Variants in EREG observed in about 807,000 individuals in gnomAD.
EREG encodes the protein proepiregulin.
A neutral mutation model predicts 22.4 loss-of-function variants in EREG; 23 were observed. The ratio of observed to expected loss-of-function variants is 1.03; its 90% confidence interval spans 0.74 to 1.46. The LOEUF is 1.46. Among genes scored for constraint, EREG ranks in the 40% most tolerant of loss-of-function variants. The pLI is 0.00. For missense variants in EREG, 226 were observed against 205.9 expected, an observed-to-expected ratio of 1.10 and a Z score of -0.60; for synonymous variants, 100 against 75.4, an observed-to-expected ratio of 1.33 and a Z score of -1.69.
chr4:74,373,518 G>A (rs7671661), intron 1 of EREG, among the ~76,000 whole-genome samples: 107,251 of 150,792 alleles, frequency 0.71, 38,941 homozygotes, highest in Non-Finnish European at 0.78. Context: ...TTAATGAAGT[G>A]CAGTTACAAA....
At chr4:74,384,454 C>G (rs896107370) in intron 4 of EREG, among the ~76,000 whole-genome samples, 2 of 152,080 alleles carry the variant, frequency 1.3e-5, no homozygotes, top group African/African-American at 4.8e-5. Flanking sequence ...GGCCACACGC[C>G]TCTTGGAATT....
At position 74,387,099 on chromosome 4, in the gene EREG, G is replaced by T. The variant is rs1047267276; in HGVS notation, c.*2291G>T. The T allele has an allele frequency of 1.3e-5, 2 of 152,054 alleles. No individual in the cohort carries two copies. Among genetic ancestry groups the T allele is most frequent in the African/African-American group, 4.8e-5 (2 of 41,374 alleles). The allele number at this position is 152,054 out of a possible 1,614,324, so 9.4% of individuals were successfully genotyped here. A position where few individuals can be genotyped will look rare whatever the true frequency, so the allele number is the denominator to read the frequency against. On this transcript the variant is annotated 3_prime_UTR_variant, in exon 5 of 5. Transcript: ENST00000244869. ...CCACCGCACGTAGCATTTACATTAGGTATTACAAGTAATGTAAAGATGATT... is the reference window on the plus strand; with the variant it reads ...CCACCGCACGTAGCATTTACATTAGTTATTACAAGTAATGTAAAGATGATT...
At chr4:74,365,768 T>C (rs1373490170) in intron 1 of EREG, among the ~76,000 whole-genome samples, 1 of 150,218 alleles carries the variant, frequency 6.7e-6, no homozygotes, top group African/African-American at 2.5e-5. Flanking sequence ...GAGTGGGGAA[T>C]AGAAACTAGC....
intron 1 of EREG, among the ~76,000 whole-genome samples, chr4:74,369,448 A>G (rs1578816367): frequency 6.6e-6 from 1 of 151,366 alleles, no homozygotes; most frequent in Non-Finnish European, 1.5e-5. Flanking sequence ...TTGGTTTTCC[A>G]CTCCTGTGTT....
chr4:74,369,839 C>A (rs538768113), intron 1 of EREG, among the ~76,000 whole-genome samples: 10 of 151,816 alleles, frequency 6.6e-5, no homozygotes, highest in Non-Finnish European at 8.8e-5. Context: ...AAAAGGTTGT[C>A]CACAATAACC....
intron 3 of EREG, 86 bp from the exon 4 acceptor site, chr4:74,382,559 G>T: frequency 9.6e-7 from 1 of 1,046,706 alleles, no homozygotes; most frequent in Non-Finnish European, 1.4e-6. Context: ...GCATTACAGT[G>T]TGATGTTAGT....
intron 1 of EREG, among the ~76,000 whole-genome samples, chr4:74,376,199 C>T (rs551049904): frequency 2.9e-4 from 44 of 152,264 alleles, no homozygotes; most frequent in African/African-American, 9.9e-4. Context: ...ATAATAGTTG[C>T]AGGTTGCAAT....
At chr4:74,378,028 A>G (rs1020941590) in intron 1 of EREG, among the ~76,000 whole-genome samples, 2 of 152,186 alleles carry the variant, frequency 1.3e-5, no homozygotes, top group Non-Finnish European at 2.9e-5. Flanking sequence ...AGAAATGGAA[A>G]GTTGAATATA....
At position 74,386,561 on chromosome 4, in the gene EREG, T is replaced by C. The variant is rs1299713705; in HGVS notation, c.*1753T>C. The C allele has an allele frequency of 1.3e-5, 2 of 152,238 alleles. No homozygotes were observed. The highest frequency in any genetic ancestry group is 2.9e-5 in the Non-Finnish European group (2 of 68,046). The allele number at this position is 152,238 out of a possible 1,614,324, so 9.4% of individuals were successfully genotyped here. A position where few individuals can be genotyped will look rare whatever the true frequency, so the allele number is the denominator to read the frequency against. On this transcript the variant is annotated 3_prime_UTR_variant, in exon 5 of 5. Coordinates refer to ENST00000244869, the MANE Select transcript of EREG (RefSeq NM_001432.3). The stretch of plus-strand genomic sequence containing the variant: ...CATTTGGTGCTCTGCTAACCATTTA[T>C]ATAAAACTTAAAAACAAGAGAAAAG...
In EREG at chr4:74,384,768, A is replaced by G. The variant is rs771158792; in HGVS notation, c.470A>G (p.Glu157Gly). ...RKSKEPKKEY[E>G]RVTSGDPELP... The stretch of plus-strand genomic sequence containing the variant: ...AGTAAAGAACCAAAGAAGGAATATG[A>G]GAGAGTTACCTCAGGGGATCCAGAG... Residue 157 changes from glutamate (E) to glycine (G), a missense_variant, in exon 5 of 5, where the codon GAG (glutamate) becomes GGG (glycine). Coordinates refer to ENST00000244869, the MANE Select transcript of EREG (RefSeq NM_001432.3). The G allele has an allele frequency of 6.2e-7, 1 of 1,613,470 alleles. No homozygotes were observed. Among genetic ancestry groups the G allele is most frequent in the Non-Finnish European group, 8.5e-7 (1 of 1,179,472 alleles).
chr4:74,383,359 A>C (rs1169340682), intron 4 of EREG, among the ~76,000 whole-genome samples: 1 of 152,186 alleles, frequency 6.6e-6, no homozygotes, highest in African/African-American at 2.4e-5. Context: ...GTAAATTAAT[A>C]ACCTTAGAAG....
chr4:74,382,989 T>G (rs769458747), intron 4 of EREG, among the ~76,000 whole-genome samples, 195 bp downstream of exon 4: 1 of 152,202 alleles, frequency 6.6e-6, no homozygotes, highest in African/African-American at 2.4e-5. Context: ...ACCCCTAATC[T>G]CAGCATCATA....
intron 2 of EREG, among the ~76,000 whole-genome samples, chr4:74,379,956 C>T (rs1166914046): frequency 6.6e-6 from 1 of 152,142 alleles, no homozygotes; most frequent in Non-Finnish European, 1.5e-5. Context: ...AAATGATAGT[C>T]GTTTCTTTCT....
In EREG at chr4:74,381,070, G is replaced by C. The variant is rs367705319; in HGVS notation, c.211G>C (p.Asp71His). Residue 71 changes from aspartate (D) to histidine (H), a missense_variant, in exon 3 of 5, where the codon GAC (aspartate) becomes CAC (histidine). Transcript: ENST00000244869. ...AGTGTCAATAACAAAGTGTAGCTCTGACATGAATGGCTATTGTTTGCATGG... is the reference window on the plus strand; with the variant it reads ...AGTGTCAATAACAAAGTGTAGCTCTCACATGAATGGCTATTGTTTGCATGG... Reference protein sequence around the residue: ...AQVSITKCSSDMNGYCLHGQC... With the variant: ...AQVSITKCSSHMNGYCLHGQC... 1.9e-6 allele frequency: 3 copies of C among 1,613,706 alleles called. No individual in the cohort carries two copies. The highest frequency in any genetic ancestry group is 2.2e-5 in the South Asian group (2 of 90,990).
chr4:74,380,924 A>G, intron 2 of EREG, 90 bp from the exon 3 acceptor site: 2 of 1,379,762 alleles, frequency 1.4e-6, no homozygotes, highest in Non-Finnish European at 2.0e-6. Context: ...CTTGTTGTGT[A>G]GAAGTAGTTC....
At chr4:74,369,132 T>G (rs895573436) in intron 1 of EREG, among the ~76,000 whole-genome samples, 4 of 152,164 alleles carry the variant, frequency 2.6e-5, no homozygotes, top group Non-Finnish European at 4.4e-5. Context: ...AATATATAGG[T>G]TTATCCTCCA....
At chr4:74,381,166 T>C (rs747592717) in intron 3 of EREG, 29 bp downstream of exon 3, 3 of 1,595,848 alleles carry the variant, frequency 1.9e-6, no homozygotes, top group East Asian at 4.5e-5. Context: ...ACAAACACAG[T>C]TTGTAAAATT....
intron 1 of EREG, among the ~76,000 whole-genome samples, chr4:74,366,572 G>A (rs1347683257): frequency 6.6e-6 from 1 of 152,170 alleles, no homozygotes; most frequent in Non-Finnish European, 1.5e-5. Context: ...AATTAGAAAG[G>A]TGACAGTCTT....
chr4:74,387,820 A>G lies in EREG; in HGVS notation c.*3012A>G, dbSNP rs945278721. On this transcript the variant is annotated 3_prime_UTR_variant, in exon 5 of 5. Coordinates refer to ENST00000244869, the MANE Select transcript of EREG (RefSeq NM_001432.3). Reference sequence around the variant, plus strand: ...ATTTATGGTCTTCAACCAAGGCCACATAATAACCCAGTTAACTTACTCTTT... The same window carrying G: ...ATTTATGGTCTTCAACCAAGGCCACGTAATAACCCAGTTAACTTACTCTTT... The G allele has an allele frequency of 6.6e-6, 1 of 152,250 alleles. No homozygotes were observed. Among genetic ancestry groups the G allele is most frequent in the African/African-American group, 2.4e-5 (1 of 41,470 alleles). 9.4% of individuals were successfully genotyped at this position (152,250 alleles called of 1,614,324 possible). A position where few individuals can be genotyped will look rare whatever the true frequency, so the allele number is the denominator to read the frequency against.
Sources: allele counts gnomAD v4.1 joint callset (sites outside exome capture counted in the v4.1 genomes callset), GRCh38; gene constraint gnomAD v4.1.1; transcripts MANE v1.5; gene names NCBI Gene and HGNC (gene_info 2026-07-23, HGNC 2026-07-21).